The following TMEM178B variants were observed in gnomAD, a reference collection of about 807,000 sequenced individuals.
TMEM178B encodes the protein transmembrane protein 178B.
In TMEM178B, 5 loss-of-function variants were observed where a neutral mutation model predicts 31.0. The observed-to-expected ratio is 0.16, with a 90% CI of 0.08 to 0.34. The LOEUF is 0.34. TMEM178B is among the 10% of genes least tolerant of loss of function. The pLI, the probability that TMEM178B is intolerant of heterozygous loss-of-function variation, is 1.00. For synonymous variants in TMEM178B, 164 were observed against 164.0 expected (o/e 1.00, Z 0.00); for missense variants, 275 against 400.3 (o/e 0.69, Z 2.67).
intron 1 of TMEM178B, among the ~76,000 whole-genome samples, chr7:141,207,795 G>A (rs1239275556): frequency 1.3e-5 from 2 of 152,130 alleles, no homozygotes; most frequent in Admixed American, 6.5e-5. Context: ...GGTGGTTCAC[G>A]CCTGTACTCC....
chr7:141,199,729 G>A (rs569307949), intron 1 of TMEM178B, among the ~76,000 whole-genome samples: 1 of 152,078 alleles, frequency 6.6e-6, no homozygotes, highest in African/African-American at 2.4e-5. Flanking sequence ...GAAACTACAG[G>A]TGCAGGCCAC....
At chr7:141,299,058 A>G (rs1022620211) in intron 2 of TMEM178B, among the ~76,000 whole-genome samples, 1 of 152,118 alleles carries the variant, frequency 6.6e-6, no homozygotes, top group African/African-American at 2.4e-5. Flanking sequence ...GTCACTGGAA[A>G]AGATCTATTT....
chr7:141,456,276 GAGATCTGGTCCT>G (rs1343982796), intron 3 of TMEM178B, among the ~76,000 whole-genome samples: 1 of 152,170 alleles, frequency 6.6e-6, no homozygotes, highest in Admixed American at 6.5e-5. Context: ...AAGGACCATA[GAGATCTGGTCCT>G]ACCCCTGTAT....
chr7:141,082,136 G>A (rs1794696396), intron 1 of TMEM178B, among the ~76,000 whole-genome samples: 1 of 152,236 alleles, frequency 6.6e-6, no homozygotes, highest in South Asian at 2.1e-4. Context: ...ACACTCTGAT[G>A]TCTGCATGAC....
intron 1 of TMEM178B, among the ~76,000 whole-genome samples, chr7:141,122,394 T>C (rs546199692): frequency 2.0e-5 from 3 of 152,370 alleles, no homozygotes; most frequent in Admixed American, 1.3e-4. Flanking sequence ...GATTTATCAA[T>C]GGACAATTAT....
chr7:141,193,917 C>T (rs944975244), intron 1 of TMEM178B, among the ~76,000 whole-genome samples: 1 of 152,178 alleles, frequency 6.6e-6, no homozygotes, highest in Admixed American at 6.5e-5. Context: ...CTCAGGCCAC[C>T]TCATATACTT....
chr7:141,378,373 T>C (rs1345648338), intron 2 of TMEM178B, among the ~76,000 whole-genome samples: 1 of 152,230 alleles, frequency 6.6e-6, no homozygotes, highest in African/African-American at 2.4e-5. Context: ...TCCCTTTCCA[T>C]ACTTTATTCT....
chr7:141,465,137 G>T (rs73520433), intron 3 of TMEM178B, among the ~76,000 whole-genome samples: 3 of 152,186 alleles, frequency 2.0e-5, no homozygotes, highest in Non-Finnish European at 4.4e-5. Flanking sequence ...GTCTGCTCCT[G>T]CTGGGGAGAG....
chr7:141,242,775 G>A (rs558310103), intron 2 of TMEM178B, among the ~76,000 whole-genome samples: 2 of 151,790 alleles, frequency 1.3e-5, no homozygotes, highest in African/African-American at 4.8e-5. Context: ...ACTCCTAACC[G>A]CAAGTGATTT....
At chr7:141,430,676 G>A (rs1441419748) in intron 2 of TMEM178B, among the ~76,000 whole-genome samples, 2 of 152,114 alleles carry the variant, frequency 1.3e-5, no homozygotes, top group African/African-American at 4.8e-5. Context: ...TGCAGTGATT[G>A]GGCCCTGGAA....
intron 2 of TMEM178B, among the ~76,000 whole-genome samples, chr7:141,351,585 C>A (rs1799724369): frequency 6.6e-6 from 1 of 152,336 alleles, no homozygotes. Context: ...ATAAGAGGGG[C>A]TTCAAAGTCA....
At chr7:141,161,722 C>G (rs1368153171) in intron 1 of TMEM178B, among the ~76,000 whole-genome samples, 1 of 151,944 alleles carries the variant, frequency 6.6e-6, no homozygotes, top group East Asian at 1.9e-4. Flanking sequence ...CTGGACAGAA[C>G]TTGACAACTG....
At chr7:141,498,990 A>T in the TMEM178B span, among the ~76,000 whole-genome samples, 2 of 152,228 alleles carry the variant, frequency 1.3e-5, no homozygotes, top group Non-Finnish European at 2.9e-5. Flanking sequence ...CTTACTTAAA[A>T]AGCAGAGGGT....
At chr7:141,500,878 G>T in the TMEM178B span, among the ~76,000 whole-genome samples, 981 of 152,168 alleles carry the variant, frequency 6.4e-3, 14 homozygotes, top group African/African-American at 0.023. Context: ...AAGGACCTCA[G>T]GCTTGTGACG....
intron 1 of TMEM178B, among the ~76,000 whole-genome samples, chr7:141,157,947 C>T (rs1224501507): frequency 1.3e-5 from 2 of 152,142 alleles, no homozygotes; most frequent in Non-Finnish European, 2.9e-5. Flanking sequence ...TCTCCCCTGC[C>T]TGGTGCATCT....
intron 2 of TMEM178B, among the ~76,000 whole-genome samples, chr7:141,356,189 T>C (rs190644855): frequency 6.6e-6 from 1 of 152,348 alleles, no homozygotes; most frequent in East Asian, 1.9e-4. Context: ...TACAAATGCA[T>C]GTATTTTTTT....
At chr7:141,320,030 G>T (rs1408013444) in intron 2 of TMEM178B, among the ~76,000 whole-genome samples, 11 of 152,140 alleles carry the variant, frequency 7.2e-5, no homozygotes, top group Non-Finnish European at 1.6e-4. Context: ...GAGGTGATTG[G>T]ATCATGGGGG....
intron 1 of TMEM178B, among the ~76,000 whole-genome samples, chr7:141,146,911 C>T (rs1439101791): frequency 6.6e-6 from 1 of 152,230 alleles, no homozygotes; most frequent in Non-Finnish European, 1.5e-5. Context: ...AAGGCGCTTG[C>T]AGCTGGATCA....
intron 2 of TMEM178B, among the ~76,000 whole-genome samples, chr7:141,320,643 A>T (rs1480631557): frequency 6.6e-6 from 1 of 152,166 alleles, no homozygotes; most frequent in African/African-American, 2.4e-5. Flanking sequence ...TTCAGTCATC[A>T]TCTGTTTATA....
Sources: allele counts gnomAD v4.1 joint callset (sites outside exome capture counted in the v4.1 genomes callset), GRCh38; gene constraint gnomAD v4.1.1; transcripts MANE v1.5; gene names NCBI Gene and HGNC (gene_info 2026-07-23, HGNC 2026-07-21).